The following CACNA1B variants were observed in gnomAD, a reference collection of about 807,000 sequenced individuals.
CACNA1B encodes calcium voltage-gated channel subunit alpha1 B, also known as voltage-dependent N-type calcium channel subunit alpha-1B.
CACNA1B carries 70 observed loss-of-function variants against 247.2 expected under a neutral mutation model. The ratio of observed to expected loss-of-function variants is 0.28; its 90% CI spans 0.23 to 0.35. The LOEUF (loss-of-function observed/expected upper bound fraction) is 0.35, where lower values mean the gene tolerates loss of function less well. Among genes scored for constraint, CACNA1B ranks in the 10% least tolerant of loss-of-function variants. The pLI is 1.00. For missense variants in CACNA1B, 2,367 were observed against 3,197.4 expected (o/e 0.74, Z 6.26); for synonymous variants, 1,231 against 1,294.4 (o/e 0.95, Z 1.05).
intron 20 of CACNA1B, among the ~76,000 whole-genome samples, chr9:138,039,189 C>T (rs1044111401): frequency 1.3e-5 from 2 of 151,220 alleles, no homozygotes; most frequent in Admixed American, 1.3e-4. Context: ...GGGCAAGACT[C>T]CGTCTCAAAA....
chr9:137,928,869 G>C (rs1957579827), intron 6 of CACNA1B, among the ~76,000 whole-genome samples: 1 of 152,124 alleles, frequency 6.6e-6, no homozygotes, highest in Non-Finnish European at 1.5e-5. Flanking sequence ...TATATAAATG[G>C]AATCATACAA....
At chr9:138,049,721 C>T (rs750718158) in intron 24 of CACNA1B, among the ~76,000 whole-genome samples, 3 of 152,230 alleles carry the variant, frequency 2.0e-5, no homozygotes, top group Non-Finnish European at 2.9e-5. Context: ...CAAGTCTGCT[C>T]CTGACCCAGG....
At chr9:137,893,004 T>TC (rs932988935) in intron 3 of CACNA1B, among the ~76,000 whole-genome samples, 10 of 152,290 alleles carry the variant, frequency 6.6e-5, no homozygotes, top group African/African-American at 2.4e-4. Flanking sequence ...GCCATGGCAC[T>TC]CCGTGTCTCG....
At chr9:138,117,051 C>G (rs1408332064) in intron 42 of CACNA1B, among the ~76,000 whole-genome samples, 1 of 152,260 alleles carries the variant, frequency 6.6e-6, no homozygotes, top group Non-Finnish European at 1.5e-5. Flanking sequence ...ATCAGTGCCA[C>G]TCAACCTGCA....
rs148933467 is a variant in CACNA1B at position 137,978,224 on chromosome 9, C to A, written c.1656+2205C>A. Among the ~76,000 whole-genome samples the A allele has an allele frequency of 7.8e-3, 1,089 of 139,628 alleles. 18 individuals carry two copies. The highest frequency in any genetic ancestry group is 0.028 in the African/African-American group (1,036 of 36,558). The allele number at this position is 139,628 out of a possible 152,430, so 91.6% of individuals were successfully genotyped here. ...CCAGGAAAGAGCAACGGGATCACTA[C>A]TCCCCCAGGAAGGAGTGAAGGGTGG... is the stretch of plus-strand genomic sequence containing the variant. On this transcript the variant is annotated intron_variant, in intron 12 of 46. Coordinates refer to ENST00000371372, the MANE Select transcript of CACNA1B (RefSeq NM_000718.4).
intron 20 of CACNA1B, chr9:138,040,649 C>T (rs1003186885): frequency 2.0e-5 from 7 of 344,824 alleles, no homozygotes; most frequent in East Asian, 1.0e-4. Flanking sequence ...GCGTCCAGCA[C>T]GGGAGAAAGA....
chr9:138,120,133 C>T, intron 44 of CACNA1B, 32 bp from the exon 45 acceptor site: 4 of 1,554,820 alleles, frequency 2.6e-6, no homozygotes, highest in Non-Finnish European at 3.5e-6. Context: ...CTGGTGCCTC[C>T]CCTAGGCCCA....
rs1413199862 is a variant in CACNA1B at position 137,952,107 on chromosome 9, G to A, written c.967-167G>A. Among the ~76,000 whole-genome samples the A allele has an allele frequency of 6.6e-6, 1 of 152,122 alleles. No individual in the cohort carries two copies. The highest frequency in any genetic ancestry group is 2.4e-5 in the African/African-American group (1 of 41,404). ...GCACGTCTGCCTGTGGGTGCTGCCTGGACTCCAGCCCCATGCTTGGACCTC... is the reference window on the plus strand; with the variant it reads ...GCACGTCTGCCTGTGGGTGCTGCCTAGACTCCAGCCCCATGCTTGGACCTC... On this transcript the variant is annotated intron_variant, in intron 6 of 46. Coordinates refer to ENST00000371372, the MANE Select transcript of CACNA1B (RefSeq NM_000718.4). The surrounding 1 kb of genome is among the most constrained non-coding windows in gnomAD (Gnocchi z 4.8).
At chr9:138,069,207 A>G (rs951147322) in intron 31 of CACNA1B, among the ~76,000 whole-genome samples, 2 of 152,204 alleles carry the variant, frequency 1.3e-5, no homozygotes, top group East Asian at 3.8e-4. Context: ...GAGCCACTTC[A>G]TATGTTTACT....
At chr9:137,893,834 G>A (rs1957138834) in intron 3 of CACNA1B, among the ~76,000 whole-genome samples, 1 of 152,204 alleles carries the variant, frequency 6.6e-6, no homozygotes, top group South Asian at 2.1e-4. Context: ...TCATGACTAG[G>A]TGCTGAGATT....
At chr9:137,987,589 G>A (rs1213511823) in intron 15 of CACNA1B, among the ~76,000 whole-genome samples, 1 of 152,208 alleles carries the variant, frequency 6.6e-6, no homozygotes, top group African/African-American at 2.4e-5. Flanking sequence ...TGTGTTTGCT[G>A]CAGGCCAGGG....
intron 10 of CACNA1B, among the ~76,000 whole-genome samples, chr9:137,960,320 G>C (rs1465904704): frequency 1.9e-4 from 29 of 151,084 alleles, no homozygotes; most frequent in African/African-American, 6.6e-4. Flanking sequence ...ACGGGGCGTG[G>C]GGTGGCGAGG....
intron 10 of CACNA1B, among the ~76,000 whole-genome samples, chr9:137,965,562 GTCCTACTTCATTTTATT>G (rs1958064924): frequency 6.6e-6 from 1 of 150,970 alleles, no homozygotes; most frequent in South Asian, 2.1e-4. Flanking sequence ...CATGCCTGTA[GTCCTACTTCATTTTATT>G]TATTTATTTA....
At chr9:137,901,196 G>A in intron 3 of CACNA1B, among the ~76,000 whole-genome samples, 1 of 150,018 alleles carries the variant, frequency 6.7e-6, no homozygotes, top group South Asian at 2.1e-4. Flanking sequence ...GTCAGTGTCT[G>A]TACTGTGTGT....
intron 12 of CACNA1B, among the ~76,000 whole-genome samples, chr9:137,977,616 G>A (rs946831118): frequency 6.6e-6 from 1 of 152,186 alleles, no homozygotes; most frequent in African/African-American, 2.4e-5. Flanking sequence ...CCTGGGACCT[G>A]AACCCAGAGC....
intron 12 of CACNA1B, among the ~76,000 whole-genome samples, chr9:137,979,540 G>A (rs1172404495): frequency 1.3e-5 from 2 of 152,148 alleles, no homozygotes; most frequent in African/African-American, 2.4e-5. Flanking sequence ...AGGAATATAT[G>A]GGGGCAGGTA....
At position 137,955,629 on chromosome 9, in the gene CACNA1B, G is replaced by T. The variant is rs867969521; in HGVS notation, c.1071-69G>T. ...TCCCAGGCTTTCCCTGGTCCTTTTT[G>T]TCTCTGGGGCTGCACACCTGTGGGG... On this transcript the variant is annotated intron_variant, in intron 7 of 46. Coordinates refer to ENST00000371372, the MANE Select transcript of CACNA1B (RefSeq NM_000718.4). The surrounding 1 kb of genome is among the most constrained non-coding windows in gnomAD (Gnocchi z 6.9). 2 of 1,039,814 alleles carry T rather than the reference G, an allele frequency of 1.9e-6. No homozygotes were observed. Among genetic ancestry groups the T allele is most frequent in the Non-Finnish European group, 2.9e-6 (2 of 696,158 alleles). The allele number at this position is 1,039,814 out of a possible 1,614,324, so 64.4% of individuals were successfully genotyped here. A position where few individuals can be genotyped will look rare whatever the true frequency, so the allele number is the denominator to read the frequency against.
At chr9:137,999,243 A>C (rs1958535832) in intron 15 of CACNA1B, among the ~76,000 whole-genome samples, 1 of 133,598 alleles carries the variant, frequency 7.5e-6, no homozygotes, top group African/African-American at 3.5e-5. Flanking sequence ...AAAAAAATAA[A>C]AAATAAAAAA....
Position 137,880,437 on chromosome 9 carries a change from G to A in CACNA1B, c.390+1278G>A, listed in dbSNP as rs575398930. On this transcript the variant is annotated intron_variant, in intron 2 of 46. Coordinates refer to ENST00000371372, the MANE Select transcript of CACNA1B (RefSeq NM_000718.4). The surrounding 1 kb of genome is among the most constrained non-coding windows in gnomAD (Gnocchi z 4.8). ...AGAGGGTGAGCTTGAGAGGAAACAG[G>A]CAGAGAGCCTTGAATGCCAAGTCAC... 6.6e-6 allele frequency among the ~76,000 whole-genome samples: 1 copy of A among 152,252 alleles called. No individual in the cohort carries two copies. Among genetic ancestry groups the A allele is most frequent in the African/African-American group, 2.4e-5 (1 of 41,550 alleles).
Sources: gnomAD v4.1 joint callset for allele counts (sites outside exome capture counted in the v4.1 genomes callset) on GRCh38, gnomAD v4.1.1 for gene constraint, Gnocchi (gnomAD v3.1) non-coding constraint, MANE v1.5 for transcripts, NCBI Gene and HGNC (gene_info 2026-07-23, HGNC 2026-07-21) for gene names.